Variants in MAP3K5 observed in about 807,000 individuals in gnomAD.
The protein encoded by MAP3K5 is mitogen-activated protein kinase kinase kinase 5.
A neutral mutation model predicts 158.7 loss-of-function variants in MAP3K5; 56 were observed. That is an observed-to-expected ratio of 0.35 (90% CI 0.28 to 0.44). The LOEUF is 0.44. MAP3K5 is among the 20% of genes least tolerant of loss of function. MAP3K5 has a pLI of 1.00. For missense variants in MAP3K5, 1,294 were observed against 1,674.8 expected, an observed-to-expected ratio of 0.77 and a Z score of 3.97; for synonymous variants, 579 against 601.7, an observed-to-expected ratio of 0.96 and a Z score of 0.55.
intron 7 of MAP3K5, among the ~76,000 whole-genome samples, chr6:136,671,784 T>C (rs1312652422): frequency 3.3e-5 from 5 of 151,950 alleles, no homozygotes; most frequent in Non-Finnish European, 5.9e-5. Context: ...CGAATAATTT[T>C]TTTGTATTTT....
In MAP3K5 at chr6:136,561,604, T is replaced by C. The variant is rs771041533; in HGVS notation, c.3916A>G (p.Thr1306Ala). ...GTAAGTTCAGAATCTTCAGTATTTG[T>C]GCCAGAAGAATTTAGATGAAATACA... ...LPVFHLNSSG[T>A]NTEDSELTDW... The change falls in exon 28 of 30, where the codon ACA becomes GCA. Residue 1306 changes from threonine to alanine, a missense_variant. Physicochemically the swap from Thr to Ala is moderately conservative, Grantham distance 58. Around this residue, in one of 5 missense-constraint regions of MAP3K5, gnomAD observed 199 missense variants for 220.3 expected, o/e 0.90. Coordinates refer to ENST00000359015, the MANE Select transcript of MAP3K5 (RefSeq NM_005923.4). The C allele has an allele frequency of 1.9e-5, 30 of 1,613,630 alleles. No individual in the cohort carries two copies. Among genetic ancestry groups the C allele is most frequent in the Non-Finnish European group, 2.5e-5 (30 of 1,179,622 alleles).
intron 7 of MAP3K5, among the ~76,000 whole-genome samples, chr6:136,673,226 C>G (rs112458734): frequency 6.6e-6 from 1 of 152,120 alleles, no homozygotes; most frequent in East Asian, 1.9e-4. Flanking sequence ...AGACCCAACC[C>G]GACTCAACTG....
chr6:136,791,134 A>T (rs1379341126), intron 1 of MAP3K5, among the ~76,000 whole-genome samples: 2 of 152,236 alleles, frequency 1.3e-5, no homozygotes, highest in Non-Finnish European at 2.9e-5. Flanking sequence ...TTGCCTTTGG[A>T]AGCACTGTAA....
intron 8 of MAP3K5, among the ~76,000 whole-genome samples, chr6:136,665,449 C>T (rs376695859): frequency 3.3e-5 from 5 of 151,512 alleles, no homozygotes; most frequent in South Asian, 2.1e-4. Flanking sequence ...TGGGTTCAAG[C>T]GATTCTTTTG....
chr6:136,765,305 T>C (rs1036398976), intron 1 of MAP3K5, among the ~76,000 whole-genome samples: 3 of 152,140 alleles, frequency 2.0e-5, no homozygotes, highest in Non-Finnish European at 4.4e-5. Flanking sequence ...AGAAACTGTT[T>C]TCTTTAGAGG....
chr6:136,591,893 C>T (rs919085188), intron 23 of MAP3K5, among the ~76,000 whole-genome samples: 1 of 152,156 alleles, frequency 6.6e-6, no homozygotes, highest in African/African-American at 2.4e-5. Flanking sequence ...GTAAAAGAGG[C>T]TTGTAGGGGC....
At chr6:136,632,762 A>G (rs186601190) in intron 14 of MAP3K5, among the ~76,000 whole-genome samples, 2 of 152,256 alleles carry the variant, frequency 1.3e-5, no homozygotes, top group Admixed American at 6.5e-5. Context: ...GGGTTGCTGG[A>G]TGCCTTTACT....
rs527717652 is a variant in MAP3K5, at chr6:136,721,793, G to A, written c.449-1204C>T. On this transcript the variant is annotated intron_variant, in intron 1 of 29. Transcript: ENST00000359015. ...AGCTACTCAGGAGGCTGAGTTGAGAGTATCACCTGAGGCCAGGAGTTTGAG... is the reference window on the plus strand; with the variant it reads ...AGCTACTCAGGAGGCTGAGTTGAGAATATCACCTGAGGCCAGGAGTTTGAG... Among the ~76,000 whole-genome samples, 23 of 152,304 alleles carry A rather than the reference G, an allele frequency of 1.5e-4. 1 individual carries two copies. The highest frequency in any genetic ancestry group is 5.5e-4 in the African/African-American group (23 of 41,580).
chr6:136,642,659 T>C (rs1778039446), intron 11 of MAP3K5, 90 bp from the exon 12 acceptor site: 1 of 853,208 alleles, frequency 1.2e-6, no homozygotes, highest in African/African-American at 1.7e-5. Context: ...TAAAGTGATA[T>C]ACACAGCCAT....
intron 1 of MAP3K5, among the ~76,000 whole-genome samples, chr6:136,752,999 A>C (rs867675935): frequency 6.6e-6 from 1 of 152,136 alleles, no homozygotes; most frequent in African/African-American, 2.4e-5. Context: ...GTTCTTGCCC[A>C]CATGCCCCAC....
chr6:136,681,425 A>G (rs1226198621), intron 7 of MAP3K5, among the ~76,000 whole-genome samples: 1 of 152,172 alleles, frequency 6.6e-6, no homozygotes, highest in Non-Finnish European at 1.5e-5. Flanking sequence ...CTTGAGCCCA[A>G]GTGTTCAAGA....
intron 23 of MAP3K5, among the ~76,000 whole-genome samples, chr6:136,584,234 T>A (rs1775014454): frequency 6.6e-6 from 1 of 152,200 alleles, no homozygotes; most frequent in African/African-American, 2.4e-5. Flanking sequence ...CCTGAAAGTC[T>A]GCCCGGAAAG....
At chr6:136,656,201 G>A in intron 10 of MAP3K5, 106 bp downstream of exon 10, 1 of 859,956 alleles carries the variant, frequency 1.2e-6, no homozygotes, top group Non-Finnish European at 1.9e-6. Flanking sequence ...CCAGATGACT[G>A]CAGTTTTAAG....
chr6:136,623,121 G>T, intron 14 of MAP3K5, 140 bp from the exon 15 acceptor site: 1 of 716,730 alleles, frequency 1.4e-6, no homozygotes, highest in Non-Finnish European at 2.4e-6. Flanking sequence ...GCAGCTTCAA[G>T]GATGAACAAA....
intron 8 of MAP3K5, among the ~76,000 whole-genome samples, chr6:136,662,406 T>C (rs570312772): frequency 9.8e-4 from 150 of 152,380 alleles, no homozygotes; most frequent in South Asian, 2.1e-4. Context: ...TTATGCTCTT[T>C]GCACAAACTT....
At position 136,639,602 on chromosome 6, in the gene MAP3K5, A is replaced by G. The variant is rs769742679; in HGVS notation, c.1875T>C (p.Tyr625=). The G allele has an allele frequency of 1.3e-6, 2 of 1,599,054 alleles. No individual in the cohort carries two copies. Among genetic ancestry groups the G allele is most frequent in the Admixed American group, 1.8e-5 (1 of 55,370 alleles). ...GGAAATCATCAGAATTGTGAAGCAC[A>G]TAAAGAAAGCAGCATCTTTCTTCAA... is the stretch of plus-strand genomic sequence containing the variant. ...SKFEERCCFL[Y]VLHNSDDFQI... is the part of the protein sequence containing the mutation. Residue 625 remains tyrosine (Y), a synonymous_variant, in exon 13 of 30, where the codon TAT becomes TAC. Transcript: ENST00000359015.
intron 23 of MAP3K5, among the ~76,000 whole-genome samples, chr6:136,585,577 A>G (rs966687347): frequency 3.3e-5 from 5 of 151,480 alleles, no homozygotes; most frequent in African/African-American, 1.2e-4. Flanking sequence ...TCAGCTCACA[A>G]CAACCTCTGC....
At chr6:136,745,694 C>T (rs1782924201) in intron 1 of MAP3K5, among the ~76,000 whole-genome samples, 1 of 152,122 alleles carries the variant, frequency 6.6e-6, no homozygotes, top group South Asian at 2.1e-4. Context: ...GTTTCCGCTG[C>T]TTGTTTGTTC....
At chr6:136,705,466 C>G (rs1781032176) in intron 2 of MAP3K5, among the ~76,000 whole-genome samples, 1 of 152,008 alleles carries the variant, frequency 6.6e-6, no homozygotes, top group Non-Finnish European at 1.5e-5. Flanking sequence ...CCACAACCAG[C>G]TAATTTTAGT....
Sources: gnomAD v4.1 joint callset for allele counts (sites outside exome capture counted in the v4.1 genomes callset) on GRCh38, gnomAD v4.1.1 for gene constraint, gnomAD v4.1.1 regional missense constraint, MANE v1.5 for transcripts, NCBI Gene and HGNC (gene_info 2026-07-23, HGNC 2026-07-21) for gene names.